The following TENM2 variants were observed in gnomAD, a reference collection of about 807,000 sequenced individuals.
TENM2 encodes teneurin-2.
In TENM2, 52 loss-of-function variants were observed where a neutral mutation model predicts 245.2. That is an observed-to-expected ratio of 0.21 (90% CI 0.17 to 0.27). TENM2 has a LOEUF of 0.27. Ranked by LOEUF, TENM2 falls within the 10% of genes least tolerant of loss-of-function variation. TENM2 has a pLI of 1.00. For synonymous variants in TENM2, 1,363 were observed against 1,438.9 expected (o/e 0.95, Z 1.19); for missense variants, 3,046 against 3,666.8 (o/e 0.83, Z 4.37).
At chr5:167,367,614 T>A (rs1195855483) in intron 1 of TENM2, among the ~76,000 whole-genome samples, 1 of 152,156 alleles carries the variant, frequency 6.6e-6, no homozygotes, top group East Asian at 1.9e-4. Context: ...AAAATGGTGA[T>A]CATTAAATAT....
At position 168,154,472 on chromosome 5, in the gene TENM2, G is replaced by A. The variant is rs139172823; in HGVS notation, c.2423-8139G>A. 4.0e-3 allele frequency among the ~76,000 whole-genome samples: 608 copies of A among 152,216 alleles called. 3 individuals are homozygous for A. Among genetic ancestry groups the A allele is most frequent in the Middle Eastern group, 0.01 (3 of 294 alleles). On this transcript the variant is annotated intron_variant, in intron 12 of 28. Transcript: ENST00000518659. ...ACTCCTGACCCCAGGTGATCCACCCGCCTCAACCTCCCAAAGTGCTAGGAT... is the reference window on the plus strand; with the variant it reads ...ACTCCTGACCCCAGGTGATCCACCCACCTCAACCTCCCAAAGTGCTAGGAT...
Position 167,414,833 on chromosome 5 carries a change from C to G in TENM2, c.502+39360C>G, listed in dbSNP as rs142387346. Among the ~76,000 whole-genome samples the G allele has an allele frequency of 1.4e-4, 21 of 152,112 alleles. No homozygotes were observed. The East Asian group carries it at 4.1e-3, about 29-fold the overall frequency. On this transcript the variant is annotated intron_variant, in intron 2 of 28. Coordinates refer to ENST00000518659, the Ensembl canonical transcript of TENM2. ...CAGGCTTCTGGGAACGTTGCTTCAT[C>G]CAGAGGAGCAAGAGTTATCCTTTCT...
At chr5:167,660,319 G>A (rs1755119591) in intron 2 of TENM2, 1 of 151,862 alleles carries the variant, frequency 6.6e-6, no homozygotes, top group Non-Finnish European at 1.5e-5. Context: ...AAAAAAATTA[G>A]CCAGGAGTGG....
chr5:168,238,504 A>G (rs1447710877), intron 25 of TENM2, among the ~76,000 whole-genome samples: 1 of 152,152 alleles, frequency 6.6e-6, no homozygotes, highest in Non-Finnish European at 1.5e-5. Flanking sequence ...GGGTTCTTCT[A>G]TACGTCTAAC....
chr5:167,427,757 G>A (rs1763946531), intron 2 of TENM2, among the ~76,000 whole-genome samples: 1 of 139,714 alleles, frequency 7.2e-6, no homozygotes, highest in Non-Finnish European at 1.6e-5. Context: ...GGGAAGGAAG[G>A]GAAGGAAGGA....
the TENM2 span, among the ~76,000 whole-genome samples, chr5:167,023,762 G>T: frequency 6.6e-6 from 1 of 152,180 alleles, no homozygotes; most frequent in Non-Finnish European, 1.5e-5. Flanking sequence ...ATTGCAATAT[G>T]AAAGTTTCCA....
At chr5:167,946,353 C>G (rs528619888) in intron 3 of TENM2, among the ~76,000 whole-genome samples, 1 of 115,068 alleles carries the variant, frequency 8.7e-6, no homozygotes, top group African/African-American at 4.7e-5. Flanking sequence ...CCCCTCACGC[C>G]GCTGGTTAGG....
intron 1 of TENM2, among the ~76,000 whole-genome samples, chr5:167,337,123 C>CAAAAAAAAAA (rs71591174): frequency 3.2e-4 from 18 of 56,660 alleles, no homozygotes; most frequent in African/African-American, 1.5e-3. Flanking sequence ...GACTCCGTCT[C>CAAAAAAAAAA]AAAAAAAAAA....
At chr5:167,613,725 G>A (rs967473854) in intron 2 of TENM2, among the ~76,000 whole-genome samples, 1 of 152,000 alleles carries the variant, frequency 6.6e-6, no homozygotes, top group Non-Finnish European at 1.5e-5. Context: ...CCTCCTGTTT[G>A]CTCCCTTTTC....
chr5:167,585,536 T>C (rs950112981), intron 2 of TENM2, among the ~76,000 whole-genome samples: 1 of 152,172 alleles, frequency 6.6e-6, no homozygotes, highest in Non-Finnish European at 1.5e-5. Flanking sequence ...TATGGGACCA[T>C]GTCACTTTAT....
the TENM2 span, among the ~76,000 whole-genome samples, chr5:167,198,495 C>T: frequency 2.6e-5 from 4 of 152,094 alleles, no homozygotes; most frequent in Admixed American, 1.3e-4. Flanking sequence ...AAGGTAGCCA[C>T]AAAATGATCT....
chr5:168,261,899 T>C (rs376469987), intron 28 of TENM2, 150 bp from the exon 31 acceptor site: 1 of 707,138 alleles, frequency 1.4e-6, no homozygotes. Context: ...CCAACCATAG[T>C]TCCAAAAGGT....
In TENM2 at chr5:167,675,160, A is replaced by G. The variant is rs187192088; in HGVS notation, c.503-200826A>G. ...ATATAATGAGAGTTTGTAAGTGCTT[A>G]TAGTCTAATGAAATTGGCATGGTTT... is the stretch of plus-strand genomic sequence containing the variant. On this transcript the variant is annotated intron_variant, in intron 2 of 28. Coordinates refer to ENST00000518659, the Ensembl canonical transcript of TENM2. Among the ~76,000 whole-genome samples, 40 of 152,260 alleles carry G rather than the reference A, an allele frequency of 2.6e-4. 1 individual carries two copies. In the Middle Eastern group the frequency reaches 0.024, roughly 91 times the overall value.
chr5:167,976,027 T>C (rs1196762593), intron 4 of TENM2, among the ~76,000 whole-genome samples: 2 of 152,206 alleles, frequency 1.3e-5, no homozygotes, highest in Non-Finnish European at 2.9e-5. Context: ...TATACAAGAA[T>C]TCGGATAAAT....
the TENM2 span, among the ~76,000 whole-genome samples, chr5:167,066,964 A>G: frequency 6.6e-6 from 1 of 152,196 alleles, no homozygotes; most frequent in East Asian, 1.9e-4. Flanking sequence ...TATATACTTT[A>G]GCAAAAGCAA....
intron 3 of TENM2, among the ~76,000 whole-genome samples, chr5:167,946,871 C>T (rs1352383030): frequency 4.6e-5 from 7 of 152,104 alleles, no homozygotes; most frequent in South Asian, 2.1e-4. Flanking sequence ...GCACAGTACC[C>T]GACACACAGG....
chr5:167,649,031 A>G (rs2150280716), intron 2 of TENM2, among the ~76,000 whole-genome samples: 1 of 152,272 alleles, frequency 6.6e-6, no homozygotes, highest in South Asian at 2.1e-4. Flanking sequence ...TAGTGAAATG[A>G]TGACTTTTAG....
chr5:167,241,833 G>A, the TENM2 span, among the ~76,000 whole-genome samples: 2 of 152,076 alleles, frequency 1.3e-5, no homozygotes, highest in Admixed American at 1.3e-4. Flanking sequence ...CTTTGAAGAC[G>A]TTTTTCTCTG....
In TENM2 at chr5:167,952,054, G is replaced by C. The variant is rs188090357; in HGVS notation, c.713-534G>C. On this transcript the variant is annotated intron_variant, in intron 3 of 28. Coordinates refer to ENST00000518659, the Ensembl canonical transcript of TENM2. ...ATCAAATTGACCTGGTGCTGAGTGA[G>C]GGCTGCCCCCTAGTCTCTTCACCTC... 2.3e-3 allele frequency among the ~76,000 whole-genome samples: 357 copies of C among 152,280 alleles called. 6 individuals are homozygous for C. The highest frequency in any genetic ancestry group is 6.2e-4 in the Non-Finnish European group (42 of 68,014).
Sources: gnomAD v4.1 joint callset for allele counts (sites outside exome capture counted in the v4.1 genomes callset) on GRCh38, gnomAD v4.1.1 for gene constraint, MANE v1.5 for transcripts, NCBI Gene and HGNC (gene_info 2026-07-23, HGNC 2026-07-21) for gene names.